USE1: variants seen among roughly 807,000 people sequenced by gnomAD.
USE1 encodes unconventional SNARE in the ER 1.
A neutral mutation model predicts 37.6 loss-of-function variants in USE1; 32 were observed. That is an observed-to-expected ratio of 0.85 (90% CI 0.64 to 1.14). USE1 has a LOEUF of 1.14. Among genes scored for constraint, USE1 ranks in the 50% most tolerant of loss-of-function variants. The pLI is 0.00. For missense variants in USE1, 310 were observed against 332.2 expected (o/e 0.93, Z 0.52); for synonymous variants, 149 against 137.6 (o/e 1.08, Z -0.58).
In USE1 at chr19:17,215,812, C is replaced by G. The variant is rs17850035; in HGVS notation, c.113C>G (p.Ala38Gly). ...ACTTTTCCTCCCCAGTACGTGGGAG[C>G]CCTAGAGGACATGTTGCAGGCCCTG... Reference protein sequence around the residue: ...DEWRLEKYVGALEDMLQALKV... With the variant: ...DEWRLEKYVGGLEDMLQALKV... Residue 38 changes from alanine to glycine, a missense_variant, in exon 2 of 8, where the codon GCC becomes GGC. Transcript: ENST00000263897. The G allele has an allele frequency of 6.2e-7, 1 of 1,610,162 alleles. No homozygotes were observed. The highest frequency in any genetic ancestry group is 1.7e-5 in the Admixed American group (1 of 59,536).
At chr19:17,217,817 C>T (rs1216321528) in intron 5 of USE1, 2 of 388,094 alleles carry the variant, frequency 5.2e-6, no homozygotes, top group East Asian at 1.4e-4. Context: ...GAGGCTGAGG[C>T]AGGAGAATTG....
chr19:17,217,399 G>A, intron 4 of USE1, 54 bp from the exon 5 acceptor site: 1 of 1,600,946 alleles, frequency 6.2e-7, no homozygotes, highest in Non-Finnish European at 8.5e-7. Flanking sequence ...GCCTCCCAAA[G>A]TGCTGGGAGT....
At position 17,219,212 on chromosome 19, in the gene USE1, G is replaced by T; in HGVS notation, c.423-1G>T. 1 of 1,610,902 alleles carries T rather than the reference G, an allele frequency of 6.2e-7. No individual in the cohort carries two copies. The highest frequency in any genetic ancestry group is 8.5e-7 in the Non-Finnish European group (1 of 1,177,452). On this transcript the variant is annotated splice_acceptor_variant, in intron 6 of 7. Transcript: ENST00000263897. LOFTEE classifies it high-confidence loss of function. ...CCTCCTCCCCCCGTGTGTGAAATCA[G>T]TGGAGTGGCAGGGTCCCAGCCAGTG...
intron 4 of USE1, among the ~76,000 whole-genome samples, chr19:17,216,745 C>T (rs959217937): frequency 2.0e-5 from 3 of 151,990 alleles, no homozygotes; most frequent in South Asian, 2.1e-4. Flanking sequence ...TTTGGGAGGC[C>T]GAGGCGGGCG....
rs1468604143 is a variant in USE1, at chr19:17,216,277, C to CG, written c.343dup (p.Ala115GlyfsTer10). 2 of 1,612,944 alleles carry CG rather than the reference C, an allele frequency of 1.2e-6. No individual in the cohort carries two copies. Among genetic ancestry groups the CG allele is most frequent in the African/African-American group, 2.7e-5 (2 of 74,942 alleles). On this transcript the variant is annotated frameshift_variant, in exon 4 of 8. Coordinates refer to ENST00000263897, the MANE Select transcript of USE1 (RefSeq NM_018467.4). LOFTEE classifies it high-confidence loss of function. The stretch of plus-strand genomic sequence containing the variant: ...CACAAAGACGGTGCATCTGCAGTCA[C>CG]GGGCGCGGTACACCAGCGAGATGCG...
At chr19:17,217,355 C>T (rs1445977451) in intron 4 of USE1, 98 bp from the exon 5 acceptor site, 7 of 1,387,726 alleles carry the variant, frequency 5.0e-6, no homozygotes, top group East Asian at 5.0e-5. Context: ...AGGCTGGTCT[C>T]GAACTTCTGA....
Position 17,215,516 on chromosome 19 carries a change from A to T in USE1, c.102+9A>T, listed in dbSNP as rs1291767139. 6.4e-7 allele frequency: 1 copy of T among 1,554,164 alleles called. No homozygotes were observed. Among genetic ancestry groups the T allele is most frequent in the Admixed American group, 1.9e-5 (1 of 51,284 alleles). On this transcript the variant is annotated intron_variant, in intron 1 of 7. Transcript: ENST00000263897. ...AGTGGCGCCTGGAGAAGGTGAGGGG[A>T]TCTCGCACTGCCGCGTAGAGCCCGA...
rs533252104 is a variant in USE1 at position 17,219,281 on chromosome 19, G to A, written c.491G>A (p.Arg164Gln). The A allele has an allele frequency of 9.3e-6, 15 of 1,613,704 alleles. No homozygotes were observed. Among genetic ancestry groups the A allele is most frequent in the Middle Eastern group, 3.3e-4 (2 of 6,062 alleles). ...GCTGAGCTAGACCTCGTCCTGCAGCGACATCAGAACCTCCAGGAAAAGCTG... is the reference window on the plus strand; with the variant it reads ...GCTGAGCTAGACCTCGTCCTGCAGCAACATCAGAACCTCCAGGAAAAGCTG... ...LAAELDLVLQ[R>Q]HQNLQEKLAE... Residue 164 changes from arginine to glutamine, a missense_variant, in exon 7 of 8, where the codon CGA (arginine) becomes CAA (glutamine). Coordinates refer to ENST00000263897, the MANE Select transcript of USE1 (RefSeq NM_018467.4).
chr19:17,215,675 C>T (rs1599438379), intron 1 of USE1, 127 bp from the exon 2 acceptor site: 2 of 1,108,366 alleles, frequency 1.8e-6, no homozygotes, highest in East Asian at 5.2e-5. Flanking sequence ...CCTGGGACTC[C>T]GCCCCTCCCC....
rs753118549 is a variant in USE1, at chr19:17,216,034, G to A, written c.195G>A (p.Val65=). ...TGATCAATGAATATTCCTGGAAGGT[G>A]GATTTTCTGAAGGGGATGCTGCAAG... ...SEVINEYSWK[V]DFLKGMLQAE... is the part of the protein sequence containing the mutation. Residue 65 remains valine, a synonymous_variant, in exon 3 of 8, where the codon GTG becomes GTA. Coordinates refer to ENST00000263897, the MANE Select transcript of USE1 (RefSeq NM_018467.4). The A allele has an allele frequency of 1.2e-6, 2 of 1,610,942 alleles. No homozygotes were observed. Among genetic ancestry groups the A allele is most frequent in the African/African-American group, 1.3e-5 (1 of 74,978 alleles).
rs1438516047 is a variant in USE1, at chr19:17,218,366, C to T, written c.397C>T (p.Pro133Ser). 1.2e-6 allele frequency: 2 copies of T among 1,613,628 alleles called. No individual in the cohort carries two copies. The highest frequency in any genetic ancestry group is 1.7e-5 in the Admixed American group (1 of 59,952). Residue 133 changes from proline to serine, a missense_variant and splice_region_variant, in exon 6 of 8, where the codon CCT becomes TCT. Pro to Ser is a moderately conservative substitution (Grantham distance 74). Coordinates refer to ENST00000263897, the MANE Select transcript of USE1 (RefSeq NM_018467.4). ...SELLGTDSAE[P>S]EMDVRKRTGV... ...TGCTTGGCCTGTTTTGCTTTCAGAGCCTGAGATGGACGTAAGGAAGAGAAC... is the reference window on the plus strand; with the variant it reads ...TGCTTGGCCTGTTTTGCTTTCAGAGTCTGAGATGGACGTAAGGAAGAGAAC...
At position 17,215,373 on chromosome 19, in the gene USE1, C is replaced by A. The variant is rs1263448855; in HGVS notation, c.-33C>A. The A allele has an allele frequency of 6.5e-6, 10 of 1,544,250 alleles. No individual in the cohort carries two copies. The highest frequency in any genetic ancestry group is 1.2e-5 in the South Asian group (1 of 83,866). ...ACTTCCGCCCTCTCTTAACATGGAGCCGGCGGAAGGGGTGGTGTAGGGCCG... is the reference window on the plus strand; with the variant it reads ...ACTTCCGCCCTCTCTTAACATGGAGACGGCGGAAGGGGTGGTGTAGGGCCG... On this transcript the variant is annotated 5_prime_UTR_variant, in exon 1 of 8. Coordinates refer to ENST00000263897, the MANE Select transcript of USE1 (RefSeq NM_018467.4).
At chr19:17,215,722 T>G in intron 1 of USE1, 80 bp from the exon 2 acceptor site, 3 of 802,928 alleles carry the variant, frequency 3.7e-6, no homozygotes, top group South Asian at 1.6e-5. Flanking sequence ...ACCCCTCCCA[T>G]TTGTCGGCCC....
At chr19:17,217,141 T>C (rs1354321508) in intron 4 of USE1, among the ~76,000 whole-genome samples, 1 of 150,490 alleles carries the variant, frequency 6.6e-6, no homozygotes, top group Non-Finnish European at 1.5e-5. Context: ...ATTTACTTTT[T>C]TTTTTTTTTT....
At position 17,219,765 on chromosome 19, in the gene USE1, C is replaced by T. The variant is rs1374172324; in HGVS notation, c.732C>T (p.Ile244=). The change falls in exon 8 of 8, where the codon ATC becomes ATT. Residue 244 remains isoleucine, a synonymous_variant. Coordinates refer to ENST00000263897, the MANE Select transcript of USE1 (RefSeq NM_018467.4). ...CCATGCTCATTATCGTCTGCTTCAT[C>T]TTCATTAGCATGATCCTCTTCATTC... ...LWAMLIIVCF[I]FISMILFIRI... The T allele has an allele frequency of 1.2e-6, 2 of 1,611,532 alleles. No homozygotes were observed. Among genetic ancestry groups the T allele is most frequent in the Middle Eastern group, 1.7e-4 (1 of 6,056 alleles).
At chr19:17,217,577 C>T in intron 5 of USE1, 115 bp downstream of exon 5, 1 of 1,415,772 alleles carries the variant, frequency 7.1e-7, no homozygotes, top group Admixed American at 2.0e-5. Context: ...CCAACAGGAG[C>T]ATCACCAAAC....
At position 17,215,987 on chromosome 19, in the gene USE1, TC is replaced by T; in HGVS notation, c.153-3del. ...GGTTTTGTTTTTCTTCTTCCTGCCT[TC>T]CAGCAAACCGGCCTCTGAGGTGATC... is the stretch of plus-strand genomic sequence containing the variant. On this transcript the variant is annotated splice_polypyrimidine_tract_variant and splice_region_variant and intron_variant, in intron 2 of 7. Coordinates refer to ENST00000263897, the MANE Select transcript of USE1 (RefSeq NM_018467.4). 1 of 1,601,268 alleles carries T rather than the reference TC, an allele frequency of 6.2e-7. No homozygotes were observed. Among genetic ancestry groups the T allele is most frequent in the Non-Finnish European group, 8.5e-7 (1 of 1,173,876 alleles).
intron 4 of USE1, among the ~76,000 whole-genome samples, chr19:17,216,538 G>A (rs1362716834): frequency 2.0e-5 from 3 of 152,244 alleles, no homozygotes; most frequent in African/African-American, 7.2e-5. Context: ...AAAATGGAAT[G>A]TGTCTGGTTA....
At chr19:17,219,162 C>T in intron 6 of USE1, 51 bp from the exon 7 acceptor site, 1 of 1,561,000 alleles carries the variant, frequency 6.4e-7, no homozygotes, top group Non-Finnish European at 8.7e-7. Flanking sequence ...TGGTCTTCTC[C>T]CCTTTCCCAC....
Sources: allele counts gnomAD v4.1 joint callset (sites outside exome capture counted in the v4.1 genomes callset), GRCh38; gene constraint gnomAD v4.1.1; transcripts MANE v1.5; gene names NCBI Gene and HGNC (gene_info 2026-07-23, HGNC 2026-07-21).